SPATA16: variants seen among roughly 807,000 people sequenced by gnomAD.
SPATA16 encodes the protein spermatogenesis associated 16.
SPATA16 carries 36 observed loss-of-function variants against 63.3 expected under a neutral mutation model. The observed-to-expected ratio is 0.57, with a 90% CI of 0.44 to 0.75. The LOEUF (loss-of-function observed/expected upper bound fraction) is 0.75. Ranked by LOEUF, SPATA16 falls within the 30% of genes least tolerant of loss-of-function variation. SPATA16 has a pLI of 0.00. For synonymous variants in SPATA16, 203 were observed against 216.7 expected, an observed-to-expected ratio of 0.94 and a Z score of 0.56; for missense variants, 646 against 679.3, an observed-to-expected ratio of 0.95 and a Z score of 0.54.
chr3:173,021,558 C>T (rs1735331627), intron 3 of SPATA16, among the ~76,000 whole-genome samples: 1 of 151,978 alleles, frequency 6.6e-6, no homozygotes, highest in African/African-American at 2.4e-5. Context: ...TTTATTACTT[C>T]AGAAAAAGAG....
chr3:172,978,169 A>ATATG (rs1298290695), intron 4 of SPATA16, among the ~76,000 whole-genome samples: 2 of 151,650 alleles, frequency 1.3e-5, no homozygotes, highest in African/African-American at 4.8e-5. Context: ...CTCTATATAT[A>ATATG]TATATAAACA....
chr3:172,971,490 A>G (rs1734047045), intron 5 of SPATA16, among the ~76,000 whole-genome samples: 1 of 152,186 alleles, frequency 6.6e-6, no homozygotes, highest in South Asian at 2.1e-4. Flanking sequence ...GATTAACTAG[A>G]GGTGGTATAC....
intron 10 of SPATA16, among the ~76,000 whole-genome samples, chr3:172,913,161 G>A (rs969689927): frequency 1.3e-5 from 2 of 152,028 alleles, no homozygotes; most frequent in South Asian, 2.1e-4. Flanking sequence ...GGTGCATCTC[G>A]GCACTTCCTG....
chr3:172,979,073 TA>T (rs554901617), intron 4 of SPATA16, among the ~76,000 whole-genome samples: 2 of 151,974 alleles, frequency 1.3e-5, no homozygotes, highest in Admixed American at 1.3e-4. Context: ...CCATCTCTAC[TA>T]AAAATACAAA....
intron 2 of SPATA16, among the ~76,000 whole-genome samples, chr3:173,073,706 GA>G (rs1227201152): frequency 1.3e-5 from 2 of 152,258 alleles, no homozygotes; most frequent in Non-Finnish European, 2.9e-5. Context: ...GGGCAGTGCA[GA>G]AGGGAAATAT....
intron 6 of SPATA16, among the ~76,000 whole-genome samples, chr3:172,939,741 C>A (rs1270162870): frequency 2.0e-5 from 3 of 152,154 alleles, no homozygotes; most frequent in Non-Finnish European, 4.4e-5. Flanking sequence ...GTGATAGGAG[C>A]ATCTGTTGCT....
chr3:173,100,705 CACAGAGT>C (rs1560122908), intron 2 of SPATA16, among the ~76,000 whole-genome samples: 4 of 137,606 alleles, frequency 2.9e-5, no homozygotes, highest in African/African-American at 8.3e-5. Flanking sequence ...CACACACACA[CACAGAGT>C]AAATTCTTGT....
chr3:172,907,227 G>A (rs1732261654), intron 10 of SPATA16, among the ~76,000 whole-genome samples: 2 of 152,114 alleles, frequency 1.3e-5, no homozygotes, highest in African/African-American at 4.8e-5. Context: ...CAAATTGCTA[G>A]TTCAGGGTTT....
chr3:172,892,960 T>G (rs1263691936), intron 10 of SPATA16, among the ~76,000 whole-genome samples: 2 of 152,328 alleles, frequency 1.3e-5, no homozygotes, highest in African/African-American at 2.4e-5. Flanking sequence ...CAAATGAGCT[T>G]GTAGAGAATT....
intron 2 of SPATA16, among the ~76,000 whole-genome samples, chr3:173,093,507 C>T (rs1037973912): frequency 1.3e-5 from 2 of 151,956 alleles, no homozygotes; most frequent in African/African-American, 2.4e-5. Flanking sequence ...CAATGCCTGG[C>T]ACAGAAGAGG....
At chr3:173,035,096 C>T (rs1025146315) in intron 3 of SPATA16, among the ~76,000 whole-genome samples, 8 of 152,232 alleles carry the variant, frequency 5.3e-5, no homozygotes, top group Admixed American at 5.2e-4. Context: ...ATAATGACAA[C>T]AGCATATATT....
chr3:173,126,822 C>G (rs767378490), intron 1 of SPATA16, among the ~76,000 whole-genome samples: 1 of 152,178 alleles, frequency 6.6e-6, no homozygotes, highest in Non-Finnish European at 1.5e-5. Flanking sequence ...CTGCCTTACT[C>G]CACTGCATCC....
At chr3:173,050,927 C>G (rs931838473) in intron 2 of SPATA16, among the ~76,000 whole-genome samples, 2 of 152,134 alleles carry the variant, frequency 1.3e-5, no homozygotes, top group Non-Finnish European at 2.9e-5. Context: ...GAGAATCTGA[C>G]CTCAGAAGTG....
intron 2 of SPATA16, among the ~76,000 whole-genome samples, chr3:173,107,377 C>T (rs1465871192): frequency 6.6e-6 from 1 of 151,798 alleles, no homozygotes; most frequent in Non-Finnish European, 1.5e-5. Flanking sequence ...ATATATGAAT[C>T]CAGTGTTCTA....
chr3:172,906,159 C>G (rs990654882), intron 10 of SPATA16, among the ~76,000 whole-genome samples: 41 of 151,994 alleles, frequency 2.7e-4, no homozygotes, highest in African/African-American at 8.9e-4. Flanking sequence ...TTTTAAGACC[C>G]CTTTTTCTAT....
intron 3 of SPATA16, among the ~76,000 whole-genome samples, chr3:173,019,860 C>T (rs1178617352): frequency 6.6e-6 from 1 of 151,726 alleles, no homozygotes; most frequent in Non-Finnish European, 1.5e-5. Context: ...ACTTATGTTA[C>T]ATATAAGACA....
intron 1 of SPATA16, among the ~76,000 whole-genome samples, chr3:173,137,467 G>A (rs1441397874): frequency 6.6e-6 from 1 of 152,124 alleles, no homozygotes; most frequent in African/African-American, 2.4e-5. Context: ...GTCACAGAAA[G>A]GTCCATGGAA....
rs1156299191 is a variant in SPATA16, at chr3:172,943,633, G to T, written c.1081+13044C>A. Among the ~76,000 whole-genome samples the T allele has an allele frequency of 2.0e-5, 3 of 152,208 alleles. No individual in the cohort carries two copies. In the East Asian group the frequency reaches 5.8e-4, roughly 29 times the overall value. On this transcript the variant is annotated intron_variant, in intron 6 of 10. Coordinates refer to ENST00000351008, the MANE Select transcript of SPATA16 (RefSeq NM_031955.6). ...CGCATGCCTGTAATCCCAGCTACTC[G>T]AGAGGCTGAGGTACGAGAATTGCTT...
At chr3:173,121,916 T>C (rs987892631) in intron 1 of SPATA16, among the ~76,000 whole-genome samples, 2 of 152,218 alleles carry the variant, frequency 1.3e-5, no homozygotes, top group African/African-American at 4.8e-5. Flanking sequence ...CTTCACTTTT[T>C]TTTAGTAGTC....
Sources: gnomAD v4.1 joint callset for allele counts (sites outside exome capture counted in the v4.1 genomes callset) on GRCh38, gnomAD v4.1.1 for gene constraint, MANE v1.5 for transcripts, NCBI Gene and HGNC (gene_info 2026-07-23, HGNC 2026-07-21) for gene names.